Variants in ZNF556 observed in about 807,000 individuals in gnomAD.
ZNF556 encodes the protein zinc finger protein 556.
Under a neutral mutation model 13.6 loss-of-function variants are expected in ZNF556, and 11 were observed. That is an observed-to-expected ratio of 0.81 (90% CI 0.51 to 1.33). The LOEUF (loss-of-function observed/expected upper bound fraction) is 1.33, where lower values mean the gene tolerates loss of function less well. ZNF556 is among the 40% of genes most tolerant of loss of function. The pLI is 0.00. For synonymous variants in ZNF556, 229 were observed against 207.8 expected, an observed-to-expected ratio of 1.10 and a Z score of -0.88; for missense variants, 633 against 566.2, an observed-to-expected ratio of 1.12 and a Z score of -1.20.
In ZNF556 at chr19:2,882,531, A is replaced by ATATATAGTGTGTGTGTGT. The variant is rs57053138; in HGVS notation, c.*4202_*4203insTATATAGTGTGTGTGTGT. The ATATATAGTGTGTGTGTGT allele has an allele frequency of 3.1e-3, 396 of 127,668 alleles. 5 individuals carry two copies. The highest frequency in any genetic ancestry group is 0.01 in the African/African-American group (344 of 32,950). The allele number at this position is 127,668 out of a possible 1,614,324, so 7.9% of individuals were successfully genotyped here. On this transcript the variant is annotated 3_prime_UTR_variant, in exon 4 of 4. Transcript: ENST00000307635. ...ATACATTTTATATATATATATATAT[A>ATATATAGTGTGTGTGTGT]GTGTGTGTGTGTGTGTGTGTGTGTG...
rs751556137 is a variant in ZNF556, at chr19:2,877,959, C to G, written c.1001C>G (p.Ala334Gly). ...FGWPSSLHKH[A>G]RTHAKKKPVS... Reference sequence around the variant, plus strand: ...TGGCCCTCATCCTTACACAAACACGCGAGAACGCATGCTAAAAAGAAACCT... The same window carrying G: ...TGGCCCTCATCCTTACACAAACACGGGAGAACGCATGCTAAAAAGAAACCT... The change falls in exon 4 of 4, where the codon GCG becomes GGG. Residue 334 changes from alanine (A) to glycine (G), a missense_variant. By Grantham distance (60) the Ala-to-Gly change is moderately conservative. Transcript: ENST00000307635. 6.2e-7 allele frequency: 1 copy of G among 1,614,086 alleles called. No homozygotes were observed. The highest frequency in any genetic ancestry group is 1.3e-5 in the African/African-American group (1 of 75,022).
chr19:2,875,025 G>T, intron 2 of ZNF556: 1 of 156,392 alleles, frequency 6.4e-6, no homozygotes, highest in South Asian at 1.8e-4. Flanking sequence ...AATTTGGCAT[G>T]AATCATGCCA....
In ZNF556 at chr19:2,883,055, G is replaced by A. The variant is rs1267968834; in HGVS notation, c.*4726G>A. 6.6e-6 allele frequency: 1 copy of A among 152,210 alleles called. No homozygotes were observed. Among genetic ancestry groups the A allele is most frequent in the Non-Finnish European group, 1.5e-5 (1 of 68,044 alleles). 9.4% of individuals were successfully genotyped at this position (152,210 alleles called of 1,614,324 possible). On this transcript the variant is annotated 3_prime_UTR_variant, in exon 4 of 4. Transcript: ENST00000307635. ...CTGCAGAAAACTAGAGTTCCTCACA[G>A]GGTGAGGAAGAGTTATGGTCATCTG... is the stretch of plus-strand genomic sequence containing the variant.
rs754734421 is a variant in ZNF556 at position 2,877,705 on chromosome 19, T to C, written c.747T>C (p.His249=). 11 of 1,613,990 alleles carry C rather than the reference T, an allele frequency of 6.8e-6. No homozygotes were observed. The African/African-American group carries it at 1.5e-4, about 22-fold the overall frequency. Residue 249 remains histidine, a synonymous_variant, in exon 4 of 4, where the codon CAT becomes CAC. Coordinates refer to ENST00000307635, the MANE Select transcript of ZNF556 (RefSeq NM_024967.3). ...GTTGTCCCAAATCCTTTCGCGCACA[T>C]GTGATGATGCACGCCGGAGGGAGAC... ...GFSCPKSFRA[H]VMMHAGGRPY...
Position 2,876,114 on chromosome 19 carries a change from C to T in ZNF556, c.152C>T (p.Ala51Val). The change falls in exon 3 of 4, where the codon GCC becomes GTC. Residue 51 changes from alanine (A) to valine (V), a missense_variant. Transcript: ENST00000307635. ...TCAGATAATGAGGCTCAGCTTAAAGCCAGTGGGTCTATTTCTCAGCAGGAT... is the reference window on the plus strand; with the variant it reads ...TCAGATAATGAGGCTCAGCTTAAAGTCAGTGGGTCTATTTCTCAGCAGGAT... ...ASVDNEAQLK[A>V]SGSISQQDTS... is the part of the protein sequence containing the mutation. 1 of 1,609,932 alleles carries T rather than the reference C, an allele frequency of 6.2e-7. No individual in the cohort carries two copies. The highest frequency in any genetic ancestry group is 8.5e-7 in the Non-Finnish European group (1 of 1,178,970).
chr19:2,876,013 C>T lies in ZNF556; in HGVS notation c.131-80C>T, dbSNP rs148389939. Reference sequence around the variant, plus strand: ...ATAAAATAAAATCACATAATGAAGTCATGAAACAATTAAACACCTGAATTA... The same window carrying T: ...ATAAAATAAAATCACATAATGAAGTTATGAAACAATTAAACACCTGAATTA... On this transcript the variant is annotated intron_variant, in intron 2 of 3. Coordinates refer to ENST00000307635, the MANE Select transcript of ZNF556 (RefSeq NM_024967.3). 1.1e-3 allele frequency: 1,289 copies of T among 1,174,762 alleles called. 22 individuals are homozygous for T. In the African/African-American group the frequency reaches 0.018, roughly 17 times the overall value. The allele number at this position is 1,174,762 out of a possible 1,614,324, so 72.8% of individuals were successfully genotyped here. A position where few individuals can be genotyped will look rare whatever the true frequency, so the allele number is the denominator to read the frequency against.
intron 2 of ZNF556, among the ~76,000 whole-genome samples, chr19:2,874,530 G>A (rs969553147): frequency 2.0e-5 from 3 of 151,898 alleles, no homozygotes; most frequent in Non-Finnish European, 2.9e-5. Context: ...GGATCACGAG[G>A]TCAGGAGTTT....
chr19:2,874,635 T>C (rs745966088), intron 2 of ZNF556, among the ~76,000 whole-genome samples: 3 of 151,128 alleles, frequency 2.0e-5, no homozygotes, highest in Non-Finnish European at 4.4e-5. Flanking sequence ...TCCCAGCTAC[T>C]TGGGAGGCTG....
chr19:2,879,266 T>C lies in ZNF556; in HGVS notation c.*937T>C, dbSNP rs1004259481. 6.9e-6 allele frequency: 1 copy of C among 143,942 alleles called. No homozygotes were observed. The highest frequency in any genetic ancestry group is 7.0e-5 in the Admixed American group (1 of 14,380). The allele number at this position is 143,942 out of a possible 1,614,324, so 8.9% of individuals were successfully genotyped here. A position where few individuals can be genotyped will look rare whatever the true frequency, so the allele number is the denominator to read the frequency against. On this transcript the variant is annotated 3_prime_UTR_variant, in exon 4 of 4. Transcript: ENST00000307635. ...AAATTCTTGGAGGAGTGTAGTCTCG[T>C]GGGAACTATTTTTTTCATCTGTTGC...
chr19:2,871,971 G>C (rs1219607906), intron 1 of ZNF556, among the ~76,000 whole-genome samples: 1 of 152,194 alleles, frequency 6.6e-6, no homozygotes. Context: ...GAGGCAGAGA[G>C]AGAGAGGAGA....
intron 1 of ZNF556, among the ~76,000 whole-genome samples, chr19:2,867,830 A>G: frequency 6.6e-6 from 1 of 150,648 alleles, no homozygotes; most frequent in East Asian, 2.0e-4. Context: ...GGGAGGGGCG[A>G]GGGGTGGACA....
rs928603770 is a variant in ZNF556, at chr19:2,877,608, C to T, written c.650C>T (p.Ser217Phe). 3.1e-6 allele frequency: 5 copies of T among 1,614,222 alleles called. No homozygotes were observed. The highest frequency in any genetic ancestry group is 4.2e-6 in the Non-Finnish European group (5 of 1,180,046). The change falls in exon 4 of 4, where the codon TCT (serine) becomes TTT (phenylalanine). Residue 217 changes from serine to phenylalanine, a missense_variant. Coordinates refer to ENST00000307635, the MANE Select transcript of ZNF556 (RefSeq NM_024967.3). Reference sequence around the variant, plus strand: ...GGGAAGACATTTCTTCGTTCCCACTCTCTCACTGAACATGTAAGGACTCAC... The same window carrying T: ...GGGAAGACATTTCTTCGTTCCCACTTTCTCACTGAACATGTAAGGACTCAC... The part of the protein sequence containing the change: ...SCGKTFLRSH[S>F]LTEHVRTHTG...
In ZNF556 at chr19:2,879,264, C is replaced by T. The variant is rs1046021819; in HGVS notation, c.*935C>T. On this transcript the variant is annotated 3_prime_UTR_variant, in exon 4 of 4. Coordinates refer to ENST00000307635, the MANE Select transcript of ZNF556 (RefSeq NM_024967.3). Reference sequence around the variant, plus strand: ...GCAAATTCTTGGAGGAGTGTAGTCTCGTGGGAACTATTTTTTTCATCTGTT... The same window carrying T: ...GCAAATTCTTGGAGGAGTGTAGTCTTGTGGGAACTATTTTTTTCATCTGTT... 2.2e-5 allele frequency: 3 copies of T among 136,958 alleles called. No homozygotes were observed. The highest frequency in any genetic ancestry group is 2.2e-4 in the East Asian group (1 of 4,494). 8.5% of individuals were successfully genotyped at this position (136,958 alleles called of 1,614,324 possible). A position where few individuals can be genotyped will look rare whatever the true frequency, so the allele number is the denominator to read the frequency against.
At chr19:2,871,185 C>T (rs1051805405) in intron 1 of ZNF556, among the ~76,000 whole-genome samples, 3 of 151,716 alleles carry the variant, frequency 2.0e-5, no homozygotes, top group Non-Finnish European at 4.4e-5. Flanking sequence ...AAGTATATGA[C>T]ATACACATAT....
chr19:2,878,203 T>C lies in ZNF556; in HGVS notation c.1245T>C (p.Asn415=). 1 of 1,613,996 alleles carries C rather than the reference T, an allele frequency of 6.2e-7. No homozygotes were observed. The highest frequency in any genetic ancestry group is 8.5e-7 in the Non-Finnish European group (1 of 1,180,000). The change falls in exon 4 of 4, where the codon AAT becomes AAC. Residue 415 remains asparagine, a synonymous_variant. Coordinates refer to ENST00000307635, the MANE Select transcript of ZNF556 (RefSeq NM_024967.3). ...KPSGGLCSSK[N]VRTQIGQKPS... is the part of the protein sequence containing the mutation. ...CAGGCGGGCTTTGCTCTTCCAAAAA[T>C]GTAAGAACGCAGATTGGACAGAAGC...
rs573738662 is a variant in ZNF556, at chr19:2,879,985, G to T, written c.*1656G>T. On this transcript the variant is annotated 3_prime_UTR_variant, in exon 4 of 4. Coordinates refer to ENST00000307635, the MANE Select transcript of ZNF556 (RefSeq NM_024967.3). ...GCGAAGCTTGCAGTGAGCTGGAATC[G>T]TGCCACTGTACTCCAGCCTGGGCGA... 1 of 151,950 alleles carries T rather than the reference G, an allele frequency of 6.6e-6. No individual in the cohort carries two copies. Among genetic ancestry groups the T allele is most frequent in the Non-Finnish European group, 1.5e-5 (1 of 68,018 alleles). 9.4% of individuals were successfully genotyped at this position (151,950 alleles called of 1,614,324 possible).
intron 2 of ZNF556, 22 bp downstream of exon 2, chr19:2,873,644 C>G: frequency 6.2e-7 from 1 of 1,605,526 alleles, no homozygotes; most frequent in South Asian, 1.1e-5. Context: ...ATTATTTCTG[C>G]ACTTAGTTAT....
chr19:2,872,203 G>A (rs2087808805), intron 1 of ZNF556, among the ~76,000 whole-genome samples: 1 of 152,032 alleles, frequency 6.6e-6, no homozygotes, highest in African/African-American at 2.4e-5. Flanking sequence ...CACAAGAGGT[G>A]GAGGAGTAGA....
chr19:2,881,242 C>T lies in ZNF556; in HGVS notation c.*2913C>T, dbSNP rs1372752489. 6.6e-6 allele frequency: 1 copy of T among 151,980 alleles called. No individual in the cohort carries two copies. The highest frequency in any genetic ancestry group is 1.5e-5 in the Non-Finnish European group (1 of 68,006). 9.4% of individuals were successfully genotyped at this position (151,980 alleles called of 1,614,324 possible). A position where few individuals can be genotyped will look rare whatever the true frequency, so the allele number is the denominator to read the frequency against. On this transcript the variant is annotated 3_prime_UTR_variant, in exon 4 of 4. Transcript: ENST00000307635. ...AAATTTAAGTATTAAATAAGTCTAG[C>T]AAAAGACATAAAAAGATAACTAATA...
Sources: allele counts gnomAD v4.1 joint callset (sites outside exome capture counted in the v4.1 genomes callset), GRCh38; gene constraint gnomAD v4.1.1; transcripts MANE v1.5; gene names NCBI Gene and HGNC (gene_info 2026-07-23, HGNC 2026-07-21).